SMIM8: variants seen among roughly 807,000 people sequenced by gnomAD.
The protein encoded by SMIM8 is small integral membrane protein 8, also known as UPF0708 protein C6orf162.
A neutral mutation model predicts 8.1 loss-of-function variants in SMIM8; 8 were observed. The observed-to-expected ratio is 0.99, with a 90% CI of 0.58 to 1.78. The LOEUF is 1.78. Among genes scored for constraint, SMIM8 ranks in the 40% most tolerant of loss-of-function variants. The pLI is 0.00. For missense variants in SMIM8, 126 were observed against 119.8 expected (o/e 1.05, Z -0.24); for synonymous variants, 45 against 39.7 (o/e 1.13, Z -0.50).
chr6:87,327,246 T>A (rs1353350058), intron 1 of SMIM8, among the ~76,000 whole-genome samples: 1 of 147,034 alleles, frequency 6.8e-6, no homozygotes, highest in East Asian at 2.0e-4. Flanking sequence ...GTCTTTTAAT[T>A]GGAGCATTTA....
At chr6:87,337,250 T>C in intron 3 of SMIM8, 84 bp downstream of exon 3, 2 of 1,429,898 alleles carry the variant, frequency 1.4e-6, no homozygotes, top group Non-Finnish European at 1.9e-6. Flanking sequence ...TTTGATTTTA[T>C]CATGGAAATT....
In SMIM8 at chr6:87,341,410, G is replaced by T. The variant is rs1313109253; in HGVS notation, c.*1136G>T. The T allele has an allele frequency of 2.0e-5, 8 of 397,024 alleles. No homozygotes were observed. The highest frequency in any genetic ancestry group is 3.6e-5 in the Non-Finnish European group (8 of 225,284). The allele number at this position is 397,024 out of a possible 1,614,324, so 24.6% of individuals were successfully genotyped here. A position where few individuals can be genotyped will look rare whatever the true frequency, so the allele number is the denominator to read the frequency against. ...CCAGGGGCCTAGGACAGAGGTCAAG[G>T]CTAGGCCCCTGTGTCTGGCCAGATT... On this transcript the variant is annotated 3_prime_UTR_variant, in exon 4 of 4. Transcript: ENST00000392863.
intron 1 of SMIM8, among the ~76,000 whole-genome samples, chr6:87,328,703 T>G (rs904774908): frequency 1.3e-5 from 2 of 152,192 alleles, no homozygotes; most frequent in Non-Finnish European, 2.9e-5. Flanking sequence ...TGCTGTCTTT[T>G]TGTTTGTCTG....
At chr6:87,336,658 A>C (rs1199625037) in intron 2 of SMIM8, among the ~76,000 whole-genome samples, 2 of 152,142 alleles carry the variant, frequency 1.3e-5, no homozygotes, top group Non-Finnish European at 2.9e-5. Context: ...CAAGGAACTA[A>C]GGAAAGGAAC....
intron 1 of SMIM8, among the ~76,000 whole-genome samples, chr6:87,325,327 G>A (rs1776790248): frequency 7.0e-6 from 1 of 143,096 alleles, no homozygotes; most frequent in South Asian, 2.2e-4. Flanking sequence ...GTGAGAGAGG[G>A]CATCCCTGTC....
chr6:87,342,305 TA>T lies in SMIM8; in HGVS notation c.*2035del, dbSNP rs1286637820. The T allele has an allele frequency of 3.9e-5, 6 of 152,204 alleles. No homozygotes were observed. The highest frequency in any genetic ancestry group is 8.8e-5 in the Non-Finnish European group (6 of 68,026). The allele number at this position is 152,204 out of a possible 1,614,324, so 9.4% of individuals were successfully genotyped here. A position where few individuals can be genotyped will look rare whatever the true frequency, so the allele number is the denominator to read the frequency against. On this transcript the variant is annotated 3_prime_UTR_variant, in exon 4 of 4. Coordinates refer to ENST00000392863, the MANE Select transcript of SMIM8 (RefSeq NM_001042493.3). ...TGAATGAGGGTATAACCATCAAAAA[TA>T]AAATACCTTTCAAATAGTCCAAAGA...
At chr6:87,330,849 A>G (rs537999948) in intron 2 of SMIM8, 137 bp downstream of exon 2, 7 of 152,004 alleles carry the variant, frequency 4.6e-5, no homozygotes, top group Non-Finnish European at 1.0e-4. Context: ...TTTCTTAATC[A>G]TGCATGGAAA....
chr6:87,327,250 G>A (rs1373068987), intron 1 of SMIM8, among the ~76,000 whole-genome samples: 4 of 146,548 alleles, frequency 2.7e-5, no homozygotes, highest in African/African-American at 7.7e-5. Flanking sequence ...TTTAATTGGA[G>A]CATTTAGTCC....
chr6:87,323,638 T>C (rs1024952693), intron 1 of SMIM8, among the ~76,000 whole-genome samples: 7 of 152,084 alleles, frequency 4.6e-5, no homozygotes, highest in African/African-American at 1.7e-4. Flanking sequence ...TATTACATGG[T>C]GTATATGTGC....
chr6:87,334,947 G>A (rs1777074537), intron 2 of SMIM8, among the ~76,000 whole-genome samples: 1 of 152,200 alleles, frequency 6.6e-6, no homozygotes, highest in Admixed American at 6.5e-5. Flanking sequence ...TCATGTAGGG[G>A]TTGAGTTTTT....
chr6:87,330,445 G>A (rs527921468), intron 1 of SMIM8, among the ~76,000 whole-genome samples: 1 of 151,690 alleles, frequency 6.6e-6, no homozygotes, highest in Admixed American at 6.6e-5. Flanking sequence ...TATATTAATA[G>A]GTAGTCAAGT....
intron 1 of SMIM8, among the ~76,000 whole-genome samples, chr6:87,328,179 A>G (rs910673189): frequency 2.0e-5 from 3 of 152,168 alleles, no homozygotes; most frequent in Admixed American, 1.3e-4. Flanking sequence ...AAAGTTTTCA[A>G]CTTCTTTGCC....
At chr6:87,322,886 CGGT>C (rs1486500928) in intron 1 of SMIM8, 2 of 152,342 alleles carry the variant, frequency 1.3e-5, no homozygotes, top group African/African-American at 4.8e-5. Flanking sequence ...CCAGTTTGTT[CGGT>C]GCTTCATCCA....
chr6:87,341,178 T>C lies in SMIM8; in HGVS notation c.*904T>C, dbSNP rs1489766176. 1 of 397,730 alleles carries C rather than the reference T, an allele frequency of 2.5e-6. No individual in the cohort carries two copies. The highest frequency in any genetic ancestry group is 3.6e-5 in the East Asian group (1 of 28,064). The allele number at this position is 397,730 out of a possible 1,614,324, so 24.6% of individuals were successfully genotyped here. ...GTCTCCTTATTGTACCTTTTTTTTC[T>C]TTTGAAGTTTATATGCCAGCAGGCC... On this transcript the variant is annotated 3_prime_UTR_variant, in exon 4 of 4. Coordinates refer to ENST00000392863, the MANE Select transcript of SMIM8 (RefSeq NM_001042493.3).
At chr6:87,339,798 C>T (rs1423255292) in intron 3 of SMIM8, among the ~76,000 whole-genome samples, 1 of 152,144 alleles carries the variant, frequency 6.6e-6, no homozygotes, top group Admixed American at 6.5e-5. Flanking sequence ...ACATTGAAAA[C>T]TCCGGGTGCT....
At position 87,342,143 on chromosome 6, in the gene SMIM8, A is replaced by G. The variant is rs975122552; in HGVS notation, c.*1869A>G. 6.6e-6 allele frequency: 1 copy of G among 152,196 alleles called. No homozygotes were observed. The highest frequency in any genetic ancestry group is 2.4e-5 in the African/African-American group (1 of 41,462). 9.4% of individuals were successfully genotyped at this position (152,196 alleles called of 1,614,324 possible). A position where few individuals can be genotyped will look rare whatever the true frequency, so the allele number is the denominator to read the frequency against. ...CTGTGAAAAGTAGTGTGTGGAAAGA[A>G]TCATACTGAATTTTAGGAACAAGTA... On this transcript the variant is annotated 3_prime_UTR_variant, in exon 4 of 4. Coordinates refer to ENST00000392863, the MANE Select transcript of SMIM8 (RefSeq NM_001042493.3).
chr6:87,332,320 C>CATATATATATATATATATATATAT (rs1209129014), intron 2 of SMIM8, among the ~76,000 whole-genome samples: 6 of 93,110 alleles, frequency 6.4e-5, no homozygotes, highest in African/African-American at 2.7e-4. Context: ...CCTCCCCCCC[C>CATATATATATATATATATATATAT]ATATATGTAT....
chr6:87,328,453 T>A (rs1401349013), intron 1 of SMIM8, among the ~76,000 whole-genome samples: 2 of 151,880 alleles, frequency 1.3e-5, no homozygotes, highest in Non-Finnish European at 2.9e-5. Flanking sequence ...TTTCTGTTTG[T>A]TAGTTTTCCT....
At position 87,340,410 on chromosome 6, in the gene SMIM8, C is replaced by A; in HGVS notation, c.*136C>A. ...AGAGAAGATAGCAGTTGCAACCAGA[C>A]AACTGTCGTAAATTTTGTCCTTTCA... is the stretch of plus-strand genomic sequence containing the variant. On this transcript the variant is annotated 3_prime_UTR_variant, in exon 4 of 4. Coordinates refer to ENST00000392863, the MANE Select transcript of SMIM8 (RefSeq NM_001042493.3). 1 of 863,496 alleles carries A rather than the reference C, an allele frequency of 1.2e-6. No individual in the cohort carries two copies. The highest frequency in any genetic ancestry group is 1.5e-6 in the Non-Finnish European group (1 of 645,874). The allele number at this position is 863,496 out of a possible 1,614,324, so 53.5% of individuals were successfully genotyped here. A position where few individuals can be genotyped will look rare whatever the true frequency, so the allele number is the denominator to read the frequency against.
Sources: gnomAD v4.1 joint callset for allele counts (sites outside exome capture counted in the v4.1 genomes callset) on GRCh38, gnomAD v4.1.1 for gene constraint, MANE v1.5 for transcripts, NCBI Gene and HGNC (gene_info 2026-07-23, HGNC 2026-07-21) for gene names.